The following EPHA6 variants were observed in gnomAD, a reference collection of about 807,000 sequenced individuals.
EPHA6 encodes the protein ephrin type-A receptor 6.
EPHA6 carries 50 observed loss-of-function variants against 112.0 expected under a neutral mutation model. The ratio of observed to expected loss-of-function variants is 0.45; its 90% CI spans 0.36 to 0.56. The LOEUF is 0.56. EPHA6 is among the 20% of genes least tolerant of loss of function. The pLI is 0.00. For synonymous variants in EPHA6, 529 were observed against 490.7 expected, an observed-to-expected ratio of 1.08 and a Z score of -1.03; for missense variants, 1,280 against 1,417.4, an observed-to-expected ratio of 0.90 and a Z score of 1.56.
At position 97,431,159 on chromosome 3, in the gene EPHA6, T is replaced by C. The variant is rs114586483; in HGVS notation, c.1732-17409T>C. Among the ~76,000 whole-genome samples, 1,255 of 152,266 alleles carry C rather than the reference T, an allele frequency of 8.2e-3. 14 individuals carry two copies. Among genetic ancestry groups the C allele is most frequent in the African/African-American group, 0.027 (1,118 of 41,578 alleles). ...TGTGAGATTGTTTCTATTTTCATTT[T>C]TGAAAGTTTGTTATCTCAATTTATA... On this transcript the variant is annotated intron_variant, in intron 6 of 17. Coordinates refer to ENST00000389672, the MANE Select transcript of EPHA6 (RefSeq NM_001080448.3).
intron 6 of EPHA6, among the ~76,000 whole-genome samples, chr3:97,415,906 A>AT (rs1228863691): frequency 2.0e-5 from 3 of 151,588 alleles, no homozygotes; most frequent in East Asian, 3.9e-4. Flanking sequence ...AAGCACTTGA[A>AT]TTTTTTTTTA....
At chr3:97,443,815 A>G (rs182173829) in intron 6 of EPHA6, among the ~76,000 whole-genome samples, 2 of 152,124 alleles carry the variant, frequency 1.3e-5, no homozygotes, top group Non-Finnish European at 2.9e-5. Context: ...TGTGGTCCAT[A>G]AGGTGTGTTA....
chr3:97,670,315 C>T (rs892348216), intron 14 of EPHA6, among the ~76,000 whole-genome samples: 3 of 152,104 alleles, frequency 2.0e-5, no homozygotes, highest in Admixed American at 6.6e-5. Context: ...GACTGGTATC[C>T]GTAGTCAAAA....
intron 5 of EPHA6, among the ~76,000 whole-genome samples, chr3:97,390,141 G>T (rs1045367427): frequency 1.3e-5 from 2 of 152,094 alleles, no homozygotes; most frequent in African/African-American, 4.8e-5. Context: ...AAAACACCTG[G>T]CTACTTGTCT....
At chr3:96,896,179 T>C (rs2038260471) in intron 2 of EPHA6, among the ~76,000 whole-genome samples, 1 of 152,200 alleles carries the variant, frequency 6.6e-6, no homozygotes, top group South Asian at 2.1e-4. Context: ...CCTCCGCCTT[T>C]ATTTTATTCT....
At chr3:97,610,980 C>A in intron 13 of EPHA6, 126 bp downstream of exon 13, 2 of 753,396 alleles carry the variant, frequency 2.7e-6, no homozygotes, top group Non-Finnish European at 4.3e-6. Flanking sequence ...GCAGTGTTTT[C>A]TCTAGGGTGC....
At chr3:97,359,358 A>G (rs1031148263) in intron 5 of EPHA6, among the ~76,000 whole-genome samples, 2 of 150,532 alleles carry the variant, frequency 1.3e-5, no homozygotes, top group Admixed American at 6.6e-5. Context: ...TTTTTATTTC[A>G]GTTATTGTAT....
Position 97,179,717 on chromosome 3 carries a change from G to GTCTCTCTCTCTCTCTCTC in EPHA6, c.1115-46520_1115-46503dup, listed in dbSNP as rs71113852. Among the ~76,000 whole-genome samples the GTCTCTCTCTCTCTCTCTC allele has an allele frequency of 8.6e-4, 103 of 119,164 alleles. 2 individuals are homozygous for GTCTCTCTCTCTCTCTCTC. The highest frequency in any genetic ancestry group is 3.7e-3 in the African/African-American group (97 of 26,164). The allele number at this position is 119,164 out of a possible 152,430, so 78.2% of individuals were successfully genotyped here. ...TTTTACTTTCTGCCAAACCTACAGAGTCTCTCTCTCTCTCTCTCTCTCTCT... is the reference window on the plus strand; with the variant it reads ...TTTTACTTTCTGCCAAACCTACAGAGTCTCTCTCTCTCTCTCTCTCTCTCTCTCTCTCTCTCTCTCTCT... On this transcript the variant is annotated intron_variant, in intron 3 of 17. Transcript: ENST00000389672.
At chr3:97,423,353 G>C (rs375682554) in intron 6 of EPHA6, among the ~76,000 whole-genome samples, 4 of 152,012 alleles carry the variant, frequency 2.6e-5, no homozygotes, top group African/African-American at 4.8e-5. Context: ...TTTTATACAT[G>C]AACATTGTCC....
chr3:97,455,195 T>C (rs573856708), intron 7 of EPHA6, among the ~76,000 whole-genome samples: 2 of 152,074 alleles, frequency 1.3e-5, no homozygotes, highest in Non-Finnish European at 2.9e-5. Context: ...ATTTAGGAGG[T>C]TGTGATACAA....
intron 2 of EPHA6, among the ~76,000 whole-genome samples, chr3:96,874,174 G>A (rs1456652657): frequency 6.6e-6 from 1 of 152,080 alleles, no homozygotes; most frequent in Non-Finnish European, 1.5e-5. Context: ...TAGTTACAGT[G>A]TTGTTAGAAA....
chr3:97,264,206 A>C (rs574779721), intron 5 of EPHA6, among the ~76,000 whole-genome samples: 1 of 152,076 alleles, frequency 6.6e-6, no homozygotes, highest in Non-Finnish European at 1.5e-5. Flanking sequence ...CATTCCATCC[A>C]CTCAGCCTGG....
intron 2 of EPHA6, among the ~76,000 whole-genome samples, chr3:96,919,335 A>C (rs1168102460): frequency 6.6e-6 from 1 of 151,910 alleles, no homozygotes; most frequent in Non-Finnish European, 1.5e-5. Flanking sequence ...CATAGATTTA[A>C]GTTTGAGAGC....
At chr3:97,175,845 C>T (rs1320515624) in intron 3 of EPHA6, among the ~76,000 whole-genome samples, 1 of 151,802 alleles carries the variant, frequency 6.6e-6, no homozygotes, top group African/African-American at 2.4e-5. Context: ...ATATCATCAG[C>T]AAACAAGGAC....
At chr3:97,660,442 A>C (rs2094162257) in intron 14 of EPHA6, among the ~76,000 whole-genome samples, 1 of 152,096 alleles carries the variant, frequency 6.6e-6, no homozygotes, top group Admixed American at 6.6e-5. Flanking sequence ...CCAGATTGCA[A>C]AGTTCCTGTC....
At chr3:97,418,580 T>C (rs1278033875) in intron 6 of EPHA6, among the ~76,000 whole-genome samples, 6 of 152,118 alleles carry the variant, frequency 3.9e-5, no homozygotes, top group Non-Finnish European at 8.8e-5. Flanking sequence ...CAGAATGATA[T>C]ATGCCAAACT....
intron 14 of EPHA6, among the ~76,000 whole-genome samples, chr3:97,665,215 G>C (rs574750555): frequency 2.6e-5 from 4 of 152,244 alleles, no homozygotes; most frequent in Non-Finnish European, 1.5e-5. Context: ...ACAAGAAATG[G>C]GGAAAGGATT....
At chr3:97,494,305 A>G (rs1560068155) in intron 10 of EPHA6, among the ~76,000 whole-genome samples, 1 of 147,646 alleles carries the variant, frequency 6.8e-6, no homozygotes, top group African/African-American at 2.7e-5. Context: ...CAGTTAATCT[A>G]TCTCTGGTTA....
intron 5 of EPHA6, among the ~76,000 whole-genome samples, chr3:97,332,212 T>G (rs1449404357): frequency 1.3e-5 from 2 of 152,130 alleles, no homozygotes; most frequent in African/African-American, 4.8e-5. Flanking sequence ...CAACAACCCT[T>G]CATGCTAAGA....
Sources: allele counts gnomAD v4.1 joint callset (sites outside exome capture counted in the v4.1 genomes callset), GRCh38; gene constraint gnomAD v4.1.1; transcripts MANE v1.5; gene names NCBI Gene and HGNC (gene_info 2026-07-23, HGNC 2026-07-21).